The following ATP8A1 variants were observed in gnomAD, a reference collection of about 807,000 sequenced individuals.
The protein encoded by ATP8A1 is phospholipid-transporting ATPase IA.
Under a neutral mutation model 177.7 loss-of-function variants are expected in ATP8A1, and 90 were observed. That is an observed-to-expected ratio of 0.51 (90% CI 0.43 to 0.60). The LOEUF is 0.60. Ranked by LOEUF, ATP8A1 falls within the 20% of genes least tolerant of loss-of-function variation. The pLI is 0.00. For missense variants in ATP8A1, 1,072 were observed against 1,392.8 expected, an observed-to-expected ratio of 0.77 and a Z score of 3.67; for synonymous variants, 493 against 485.9, an observed-to-expected ratio of 1.01 and a Z score of -0.19.
chr4:42,500,952 G>C (rs925406643), intron 24 of ATP8A1, among the ~76,000 whole-genome samples: 12 of 151,988 alleles, frequency 7.9e-5, no homozygotes, highest in Admixed American at 3.3e-4. Context: ...GATTATGGAA[G>C]ACAAAGATTT....
intron 35 of ATP8A1, among the ~76,000 whole-genome samples, chr4:42,420,738 T>C (rs780349461): frequency 4.6e-5 from 7 of 151,804 alleles, no homozygotes; most frequent in Admixed American, 1.3e-4. Flanking sequence ...TACGAATACA[T>C]TGTTTTATTC....
chr4:42,596,144 A>C (rs879661201), intron 6 of ATP8A1, among the ~76,000 whole-genome samples: 6 of 152,184 alleles, frequency 3.9e-5, no homozygotes, highest in Non-Finnish European at 5.9e-5. Context: ...TAGTGTGTGC[A>C]TAAGAGGAAC....
rs1029387930 is a variant in ATP8A1 at position 42,469,728 on chromosome 4, C to A, written c.2325-4652G>T. Among the ~76,000 whole-genome samples the A allele has an allele frequency of 6.6e-5, 10 of 152,134 alleles. 1 individual carries two copies. Among genetic ancestry groups the A allele is most frequent in the South Asian group, 6.2e-4 (3 of 4,822 alleles). Reference sequence around the variant, plus strand: ...ACATAATAAATTTTAACTTCACACTCAAAATTCTCCAGAATATATTATTTT... The same window carrying A: ...ACATAATAAATTTTAACTTCACACTAAAAATTCTCCAGAATATATTATTTT... On this transcript the variant is annotated intron_variant, in intron 25 of 36. Coordinates refer to ENST00000381668, the MANE Select transcript of ATP8A1 (RefSeq NM_006095.2).
chr4:42,574,357 A>C (rs1174092632), intron 14 of ATP8A1, among the ~76,000 whole-genome samples: 1 of 152,232 alleles, frequency 6.6e-6, no homozygotes, highest in African/African-American at 2.4e-5. Context: ...CCTTATTACC[A>C]GGGCAAGAGA....
intron 11 of ATP8A1, among the ~76,000 whole-genome samples, chr4:42,578,965 A>G (rs1732745756): frequency 6.6e-6 from 1 of 152,114 alleles, no homozygotes; most frequent in Non-Finnish European, 1.5e-5. Context: ...GAAATAATAA[A>G]TCAGTAACTA....
chr4:42,562,052 A>G (rs1422646150), intron 15 of ATP8A1: 1 of 152,212 alleles, frequency 6.6e-6, no homozygotes, highest in Non-Finnish European at 1.5e-5. Context: ...TTTTGATCCA[A>G]TAGTAGAGGC....
intron 19 of ATP8A1, among the ~76,000 whole-genome samples, chr4:42,545,928 C>T (rs897150725): frequency 3.9e-5 from 6 of 152,060 alleles, no homozygotes; most frequent in Non-Finnish European, 7.4e-5. Context: ...GAGCTGAGAT[C>T]GAGCCACTGT....
intron 5 of ATP8A1, among the ~76,000 whole-genome samples, chr4:42,601,430 T>C (rs1188819406): frequency 1.3e-5 from 2 of 151,916 alleles, no homozygotes; most frequent in African/African-American, 4.8e-5. Context: ...GGGTAGGTAT[T>C]TCTTAGGGTT....
At chr4:42,487,278 C>T (rs1340895217) in intron 24 of ATP8A1, among the ~76,000 whole-genome samples, 1 of 152,146 alleles carries the variant, frequency 6.6e-6, no homozygotes, top group East Asian at 1.9e-4. Context: ...CTATTTGTCT[C>T]CCTTTGTCAA....
At chr4:42,555,001 T>G (rs1481637959) in intron 16 of ATP8A1, among the ~76,000 whole-genome samples, 4 of 152,318 alleles carry the variant, frequency 2.6e-5, no homozygotes, top group African/African-American at 9.6e-5. Context: ...GGACTTGGAC[T>G]GGCTTCCTTG....
chr4:42,580,004 T>C, intron 10 of ATP8A1, 26 bp from the exon 11 acceptor site: 1 of 1,542,214 alleles, frequency 6.5e-7, no homozygotes, highest in South Asian at 1.2e-5. Context: ...AGATGAGTAA[T>C]AAAAAATGTA....
intron 20 of ATP8A1, among the ~76,000 whole-genome samples, chr4:42,531,251 A>G (rs1368517822): frequency 6.6e-6 from 1 of 152,212 alleles, no homozygotes; most frequent in Non-Finnish European, 1.5e-5. Flanking sequence ...CAGGACTACA[A>G]ATGGTCCAGA....
intron 23 of ATP8A1, 51 bp from the exon 24 acceptor site, chr4:42,503,565 A>G: frequency 8.3e-7 from 1 of 1,200,062 alleles, no homozygotes; most frequent in South Asian, 1.4e-5. Flanking sequence ...GAGAATATGT[A>G]AAGATGTTAA....
At position 42,615,451 on chromosome 4, in the gene ATP8A1, A is replaced by T. The variant is rs74525753; in HGVS notation, c.409+582T>A. ...TCTGTTTCTCACATTCCTGGGCATT[A>T]AAAAAAAAAAATCTTAGAGCATGAT... On this transcript the variant is annotated intron_variant, in intron 5 of 36. Transcript: ENST00000381668. Among the ~76,000 whole-genome samples, 56 of 140,818 alleles carry T rather than the reference A, an allele frequency of 4.0e-4. No homozygotes were observed. In the East Asian group the frequency reaches 5.5e-3, roughly 14 times the overall value. The allele number at this position is 140,818 out of a possible 152,430, so 92.4% of individuals were successfully genotyped here. A position where few individuals can be genotyped will look rare whatever the true frequency, so the allele number is the denominator to read the frequency against.
chr4:42,480,853 G>A (rs1358507507), intron 25 of ATP8A1, among the ~76,000 whole-genome samples: 3 of 151,932 alleles, frequency 2.0e-5, no homozygotes, highest in Admixed American at 6.6e-5. Context: ...GTTGCAAGTA[G>A]GAAAAAATGC....
Position 42,422,911 on chromosome 4 carries a change from A to C in ATP8A1, c.3213-12T>G. 1 of 1,591,768 alleles carries C rather than the reference A, an allele frequency of 6.3e-7. No individual in the cohort carries two copies. Among genetic ancestry groups the C allele is most frequent in the South Asian group, 1.1e-5 (1 of 87,580 alleles). On this transcript the variant is annotated splice_polypyrimidine_tract_variant and intron_variant, in intron 34 of 36. Coordinates refer to ENST00000381668, the MANE Select transcript of ATP8A1 (RefSeq NM_006095.2). ...CAGTCCTCTTGATACTGCAAAAAGA[A>C]AAAAAAAGGGATTTGCATGGAAATA...
intron 33 of ATP8A1, among the ~76,000 whole-genome samples, chr4:42,442,922 A>G (rs937693683): frequency 6.6e-6 from 1 of 152,216 alleles, no homozygotes; most frequent in African/African-American, 2.4e-5. Flanking sequence ...AATTGAAATC[A>G]TAAACCCTCC....
chr4:42,423,096 T>C (rs147706925), intron 34 of ATP8A1, among the ~76,000 whole-genome samples, 197 bp from the exon 35 acceptor site: 3 of 152,292 alleles, frequency 2.0e-5, no homozygotes, highest in Admixed American at 6.5e-5. Flanking sequence ...AATGATGGTT[T>C]AGGTTTACAA....
intron 1 of ATP8A1, among the ~76,000 whole-genome samples, chr4:42,631,711 C>T (rs1285721426): frequency 2.0e-5 from 3 of 152,194 alleles, no homozygotes; most frequent in Non-Finnish European, 4.4e-5. Context: ...TTGACCATCT[C>T]CATACCCATT....
Sources: gnomAD v4.1 joint callset for allele counts (sites outside exome capture counted in the v4.1 genomes callset) on GRCh38, gnomAD v4.1.1 for gene constraint, MANE v1.5 for transcripts, NCBI Gene and HGNC (gene_info 2026-07-23, HGNC 2026-07-21) for gene names.